The following MTA1 variants were observed in gnomAD, a reference collection of about 807,000 sequenced individuals.
MTA1 encodes the protein metastasis-associated protein MTA1.
In MTA1, 15 loss-of-function variants were observed where a neutral mutation model predicts 97.0. The observed-to-expected ratio is 0.15, with a 90% CI of 0.10 to 0.24. The LOEUF is 0.24. Among genes scored for constraint, MTA1 ranks in the 10% least tolerant of loss-of-function variants. The pLI, the probability that MTA1 is intolerant of heterozygous loss-of-function variation, is 1.00. For missense variants in MTA1, 709 were observed against 1,015.1 expected (o/e 0.70, Z 4.10); for synonymous variants, 435 against 417.5 (o/e 1.04, Z -0.51).
At chr14:105,441,272 C>T (rs759807410) in intron 2 of MTA1, among the ~76,000 whole-genome samples, 30 of 152,136 alleles carry the variant, frequency 2.0e-4, no homozygotes, top group Non-Finnish European at 2.6e-4. Context: ...CCCCCCGCCC[C>T]TCTTGCCTCC....
At chr14:105,453,056 T>C (rs1205991495) in intron 6 of MTA1, among the ~76,000 whole-genome samples, 1 of 152,162 alleles carries the variant, frequency 6.6e-6, no homozygotes, top group East Asian at 1.9e-4. Flanking sequence ...TCAAAAATCA[T>C]CAGAACCAGC....
chr14:105,467,950 C>A lies in MTA1; in HGVS notation c.1813+1208C>A, dbSNP rs1461267787. On this transcript the variant is annotated intron_variant, in intron 18 of 20. Coordinates refer to ENST00000331320, the MANE Select transcript of MTA1 (RefSeq NM_004689.4). ...TTTTCCACACCTCACACGTGAGTCC[C>A]AGCCATGCAGTGCTTGTGAGGGAGC... 2.2e-5 allele frequency: 6 copies of A among 269,664 alleles called. No homozygotes were observed. In the East Asian group the frequency reaches 4.2e-4, roughly 19 times the overall value. The allele number at this position is 269,664 out of a possible 1,614,324, so 16.7% of individuals were successfully genotyped here. A position where few individuals can be genotyped will look rare whatever the true frequency, so the allele number is the denominator to read the frequency against.
At chr14:105,465,026 A>G (rs2083510650) in intron 15 of MTA1, 68 bp from the exon 16 acceptor site, 6 of 1,443,148 alleles carry the variant, frequency 4.2e-6, no homozygotes, top group East Asian at 5.0e-5. Context: ...CTCCCAGGTC[A>G]AGGCGCAGGC....
chr14:105,439,885 G>T (rs890377406), intron 2 of MTA1, among the ~76,000 whole-genome samples: 1 of 152,180 alleles, frequency 6.6e-6, no homozygotes, highest in Non-Finnish European at 1.5e-5. Context: ...AGGCTTGGTG[G>T]CAGCGGTGAC....
At chr14:105,425,573 G>A (rs1286518631) in intron 1 of MTA1, among the ~76,000 whole-genome samples, 1 of 152,162 alleles carries the variant, frequency 6.6e-6, no homozygotes. Context: ...GAACTACCAT[G>A]CCCGGCAGAG....
chr14:105,420,018 G>A lies in MTA1; in HGVS notation c.-18G>A. The A allele has an allele frequency of 9.6e-7, 1 of 1,038,956 alleles. No homozygotes were observed. The highest frequency in any genetic ancestry group is 1.2e-6 in the Non-Finnish European group (1 of 864,120). The allele number at this position is 1,038,956 out of a possible 1,614,324, so 64.4% of individuals were successfully genotyped here. On this transcript the variant is annotated 5_prime_UTR_variant, in exon 1 of 21. Transcript: ENST00000331320. The surrounding 1 kb of genome is among the most constrained non-coding windows in gnomAD (Gnocchi z 5.3). ...CGCCGCGCCCGCCCCGGGCCCCTCC[G>A]CCGCCGCCGGCCCGGACATGGCCGC...
Position 105,466,688 on chromosome 14 carries a change from C to G in MTA1, c.1778-19C>G. ...CTGACGCTGTCTTCTCTCCCTCTCTCCCACCCCGGCGCTGCCAGGCAACAT... is the reference window on the plus strand; with the variant it reads ...CTGACGCTGTCTTCTCTCCCTCTCTGCCACCCCGGCGCTGCCAGGCAACAT... On this transcript the variant is annotated intron_variant, in intron 17 of 20. Transcript: ENST00000331320. 6.2e-7 allele frequency: 1 copy of G among 1,605,114 alleles called. No homozygotes were observed.
At position 105,466,475 on chromosome 14, in the gene MTA1, C is replaced by T. The variant is rs782499288; in HGVS notation, c.1674C>T (p.Ser558=). The T allele has an allele frequency of 1.5e-5, 24 of 1,567,904 alleles. No individual in the cohort carries two copies. The highest frequency in any genetic ancestry group is 1.0e-4 in the South Asian group (9 of 89,276). ...CTGACCCCGTGAAAAGCGTGTCCAG[C>T]GTGCTCAGCAGCCTGACGCCCGCCA... ...PKPDPVKSVS[S]VLSSLTPAKV... The change falls in exon 17 of 21, where the codon AGC becomes AGT. Residue 558 remains serine, a synonymous_variant. Transcript: ENST00000331320.
At chr14:105,451,520 A>G (rs1331660104) in intron 6 of MTA1, among the ~76,000 whole-genome samples, 1 of 152,180 alleles carries the variant, frequency 6.6e-6, no homozygotes, top group Non-Finnish European at 1.5e-5. Flanking sequence ...GAAGGCTTCC[A>G]CTCAGGAATG....
chr14:105,466,320 T>G (rs368612739), intron 16 of MTA1, 106 bp from the exon 17 acceptor site: 1 of 1,054,882 alleles, frequency 9.5e-7, no homozygotes, highest in Non-Finnish European at 1.4e-6. Flanking sequence ...CGCATGGGGC[T>G]TAGTTCCTGG....
At chr14:105,450,594 G>A (rs2082888098) in intron 6 of MTA1, among the ~76,000 whole-genome samples, 1 of 152,316 alleles carries the variant, frequency 6.6e-6, no homozygotes, top group South Asian at 2.1e-4. Context: ...AGCGAGGGGA[G>A]GTCCCCCTGG....
intron 3 of MTA1, 162 bp from the exon 4 acceptor site, chr14:105,449,197 G>A: frequency 3.3e-6 from 2 of 599,460 alleles, no homozygotes; most frequent in South Asian, 4.6e-5. Flanking sequence ...TCGAGGCCCA[G>A]ATGATCTTCA....
intron 7 of MTA1, among the ~76,000 whole-genome samples, chr14:105,455,355 C>G (rs1298124845): frequency 6.6e-6 from 1 of 152,242 alleles, no homozygotes; most frequent in Non-Finnish European, 1.5e-5. Flanking sequence ...TGGCAGCCTC[C>G]TCCCTCCACC....
intron 1 of MTA1, among the ~76,000 whole-genome samples, chr14:105,427,059 G>A (rs1282037446): frequency 2.0e-5 from 3 of 152,216 alleles, no homozygotes; most frequent in African/African-American, 7.2e-5. Flanking sequence ...GGGACCACGG[G>A]CACCGCCCTG....
At position 105,422,533 on chromosome 14, in the gene MTA1, T is replaced by C. The variant is rs1255900171; in HGVS notation, c.28+2470T>C. The stretch of plus-strand genomic sequence containing the variant: ...GCCCCCCCACCCCAGGGACCTTGTG[T>C]GTAGAGGCACCAAATTTAGTTAAGA... On this transcript the variant is annotated intron_variant, in intron 1 of 20. Transcript: ENST00000331320. This position sits in a 1 kb window ranked among gnomAD's most constrained non-coding sequence, Gnocchi z 4.3. 2.0e-5 allele frequency among the ~76,000 whole-genome samples: 3 copies of C among 152,114 alleles called. No individual in the cohort carries two copies. The highest frequency in any genetic ancestry group is 7.2e-5 in the African/African-American group (3 of 41,430).
In MTA1 at chr14:105,450,313, C is replaced by G. The variant is rs2082873516; in HGVS notation, c.421C>G (p.Leu141Val). The G allele has an allele frequency of 6.2e-7, 1 of 1,604,518 alleles. No homozygotes were observed. The highest frequency in any genetic ancestry group is 1.1e-5 in the South Asian group (1 of 90,848). The change falls in exon 6 of 21, where the codon CTG (leucine) becomes GTG (valine). Residue 141 changes from leucine (L) to valine (V), a missense_variant. Around this residue, in one of 2 missense-constraint regions of MTA1, gnomAD observed 321 missense variants for 593.5 expected, o/e 0.54. Transcript: ENST00000331320. ...CGAGACCGAGTCGCTCAAGTCCTAC[C>G]TGGAGCGGGAGGTGAGGCCCAGCCC... ...LNETESLKSY[L>V]EREDFFFYSL...
chr14:105,470,298 G>A lies in MTA1; in HGVS notation c.*83G>A, dbSNP rs1487402172. Reference sequence around the variant, plus strand: ...CAGCCAGCCCGCCGCCCGCCCCTCAGTTTGGTAGTGCCCCACCTCCCGCCC... The same window carrying A: ...CAGCCAGCCCGCCGCCCGCCCCTCAATTTGGTAGTGCCCCACCTCCCGCCC... On this transcript the variant is annotated 3_prime_UTR_variant, in exon 21 of 21. Transcript: ENST00000331320. 4.3e-6 allele frequency: 5 copies of A among 1,164,890 alleles called. No homozygotes were observed. The Admixed American group carries it at 1.6e-4, about 36-fold the overall frequency. The allele number at this position is 1,164,890 out of a possible 1,614,324, so 72.2% of individuals were successfully genotyped here.
chr14:105,469,314 C>T (rs2083729463), intron 18 of MTA1, 153 bp from the exon 19 acceptor site: 7 of 808,952 alleles, frequency 8.7e-6, no homozygotes, highest in South Asian at 4.6e-5. Flanking sequence ...ATGCGAGGCC[C>T]CACGTCCCCC....
intron 7 of MTA1, 39 bp downstream of exon 7, chr14:105,454,349 G>C (rs782181411): frequency 2.8e-6 from 4 of 1,435,238 alleles, no homozygotes; most frequent in Non-Finnish European, 3.9e-6. Context: ...CCTCTGTCCT[G>C]TCCTGTCCTG....
Sources: allele counts gnomAD v4.1 joint callset (sites outside exome capture counted in the v4.1 genomes callset), GRCh38; gene constraint gnomAD v4.1.1; regional missense constraint gnomAD v4.1.1; non-coding constraint Gnocchi (gnomAD v3.1); transcripts MANE v1.5; gene names NCBI Gene and HGNC (gene_info 2026-07-23, HGNC 2026-07-21).